ATP8A1: variants seen among roughly 807,000 people sequenced by gnomAD.
ATP8A1 encodes the protein phospholipid-transporting ATPase IA.
A neutral mutation model predicts 177.7 loss-of-function variants in ATP8A1; 90 were observed. The ratio of observed to expected loss-of-function variants is 0.51; its 90% CI spans 0.43 to 0.60. The LOEUF (loss-of-function observed/expected upper bound fraction) is 0.60. ATP8A1 is among the 20% of genes least tolerant of loss of function. The pLI, the probability that ATP8A1 is intolerant of heterozygous loss-of-function variation, is 0.00. For synonymous variants in ATP8A1, 493 were observed against 485.9 expected, an observed-to-expected ratio of 1.01 and a Z score of -0.19; for missense variants, 1,072 against 1,392.8, an observed-to-expected ratio of 0.77 and a Z score of 3.67.
intron 5 of ATP8A1, among the ~76,000 whole-genome samples, chr4:42,614,933 C>T (rs544059193): frequency 3.1e-4 from 47 of 152,276 alleles, no homozygotes; most frequent in African/African-American, 9.9e-4. Context: ...GTTTTCTCTC[C>T]TTACCAATTT....
At chr4:42,568,511 T>C (rs1452842338) in intron 15 of ATP8A1, among the ~76,000 whole-genome samples, 2 of 152,218 alleles carry the variant, frequency 1.3e-5, no homozygotes, top group African/African-American at 2.4e-5. Context: ...AAGATGAAAA[T>C]ATAAATTCAC....
chr4:42,555,333 T>A (rs1312146137), intron 16 of ATP8A1, among the ~76,000 whole-genome samples: 5 of 152,106 alleles, frequency 3.3e-5, no homozygotes, highest in African/African-American at 1.2e-4. Flanking sequence ...AACTTATTTC[T>A]ATAAGTTATT....
In ATP8A1 at chr4:42,601,535, AAAAAAT is replaced by A. The variant is rs61277021; in HGVS notation, c.410-1023_410-1018del. Among the ~76,000 whole-genome samples, 93 of 149,502 alleles carry A rather than the reference AAAAAAT, an allele frequency of 6.2e-4. 1 individual carries two copies. Among genetic ancestry groups the A allele is most frequent in the African/African-American group, 1.9e-3 (79 of 40,708 alleles). ...AACACTGAGTATGCTAATAAACACC[AAAAAAT>A]AAAAATAAAAATAAAAATAAAAATA... is the stretch of plus-strand genomic sequence containing the variant. On this transcript the variant is annotated intron_variant, in intron 5 of 36. Coordinates refer to ENST00000381668, the MANE Select transcript of ATP8A1 (RefSeq NM_006095.2).
intron 22 of ATP8A1, among the ~76,000 whole-genome samples, chr4:42,512,392 C>G (rs2153195699): frequency 6.6e-6 from 1 of 152,280 alleles, no homozygotes; most frequent in Middle Eastern, 3.4e-3. Context: ...CTATTCCTAC[C>G]TGCAGGCCTC....
intron 33 of ATP8A1, among the ~76,000 whole-genome samples, chr4:42,435,450 CAAAA>C (rs11306070): frequency 1.7e-5 from 2 of 116,970 alleles, no homozygotes; most frequent in African/African-American, 3.3e-5. Context: ...AAAAAAAAAA[CAAAA>C]AAAAAAAAAC....
chr4:42,497,557 G>A (rs756171474), intron 24 of ATP8A1, among the ~76,000 whole-genome samples: 3 of 152,052 alleles, frequency 2.0e-5, no homozygotes, highest in Non-Finnish European at 4.4e-5. Flanking sequence ...GTTGAGGGGT[G>A]GAAGAACTTC....
intron 3 of ATP8A1, 83 bp downstream of exon 3, chr4:42,625,531 T>TACATAAACCTCAGGGGATTGGTC: frequency 2.3e-6 from 2 of 861,072 alleles, no homozygotes; most frequent in Non-Finnish European, 3.4e-6. Context: ...TCTCGGCATT[T>TACATAAACCTCAGGGGATTGGTC]ACATAAACCT....
intron 11 of ATP8A1, among the ~76,000 whole-genome samples, chr4:42,579,281 G>A (rs973719652): frequency 6.7e-6 from 1 of 150,142 alleles, no homozygotes; most frequent in Non-Finnish European, 1.5e-5. Context: ...AAAATACATT[G>A]GGTTTAAACA....
intron 20 of ATP8A1, among the ~76,000 whole-genome samples, chr4:42,535,088 A>G (rs1727651826): frequency 6.6e-6 from 1 of 152,134 alleles, no homozygotes; most frequent in South Asian, 2.1e-4. Context: ...CTGTAAAATA[A>G]TAACACAATG....
intron 20 of ATP8A1, among the ~76,000 whole-genome samples, chr4:42,539,654 G>A (rs187836754): frequency 6.6e-6 from 1 of 152,080 alleles, no homozygotes; most frequent in Non-Finnish European, 1.5e-5. Flanking sequence ...ATAACCAACT[G>A]ATCTTTGACA....
intron 14 of ATP8A1, among the ~76,000 whole-genome samples, chr4:42,571,124 A>C (rs544412865): frequency 3.3e-5 from 5 of 152,208 alleles, no homozygotes; most frequent in Non-Finnish European, 7.3e-5. Flanking sequence ...GTGAGCAGTA[A>C]GATAAACATG....
rs1464081498 is a variant in ATP8A1 at position 42,451,954 on chromosome 4, C to A, written c.2896+27G>T. Reference sequence around the variant, plus strand: ...TTTCTAAAAAAGTAAAAAGTCATCTCTTTGCATTCATATCCCTTCTACTTA... The same window carrying A: ...TTTCTAAAAAAGTAAAAAGTCATCTATTTGCATTCATATCCCTTCTACTTA... On this transcript the variant is annotated intron_variant, in intron 30 of 36. Transcript: ENST00000381668. 15 of 1,495,604 alleles carry A rather than the reference C, an allele frequency of 1.0e-5. No homozygotes were observed. In the South Asian group the frequency reaches 1.7e-4, roughly 17 times the overall value. The allele number at this position is 1,495,604 out of a possible 1,614,324, so 92.6% of individuals were successfully genotyped here. A position where few individuals can be genotyped will look rare whatever the true frequency, so the allele number is the denominator to read the frequency against.
intron 13 of ATP8A1, 60 bp from the exon 14 acceptor site, chr4:42,574,767 G>T: frequency 1.7e-6 from 2 of 1,157,128 alleles, no homozygotes; most frequent in Non-Finnish European, 2.5e-6. Context: ...CTCTTTTACA[G>T]AGAAACCCCT....
rs201205529 is a variant in ATP8A1, at chr4:42,553,009, TAAAC to T, written c.1414-403_1414-400del. ...TCAAAACAAAACAAAACAAACAAGA[TAAAC>T]AAACAAAACCCCATAAAAACATAGC... On this transcript the variant is annotated intron_variant, in intron 16 of 36. Coordinates refer to ENST00000381668, the MANE Select transcript of ATP8A1 (RefSeq NM_006095.2). Among the ~76,000 whole-genome samples, 446 of 152,120 alleles carry T rather than the reference TAAAC, an allele frequency of 2.9e-3. 4 individuals are homozygous for T. Among genetic ancestry groups the T allele is most frequent in the African/African-American group, 0.01 (419 of 41,498 alleles).
At chr4:42,435,455 AAAAAAAAAC>A (rs1715854318) in intron 33 of ATP8A1, among the ~76,000 whole-genome samples, 1 of 100,456 alleles carries the variant, frequency 1.0e-5, no homozygotes, top group African/African-American at 3.3e-5. Context: ...AAAAACAAAA[AAAAAAAAAC>A]AAACTATCTC....
At chr4:42,478,056 A>T (rs1721267670) in intron 25 of ATP8A1, among the ~76,000 whole-genome samples, 2 of 152,248 alleles carry the variant, frequency 1.3e-5, no homozygotes, top group African/African-American at 4.8e-5. Context: ...ACATGTAGAA[A>T]AATAAAGGTA....
chr4:42,445,150 A>G (rs79510690), intron 31 of ATP8A1, among the ~76,000 whole-genome samples: 6,400 of 152,322 alleles, frequency 0.042, 172 homozygotes, highest in Admixed American at 0.059. Context: ...TTTCTCCATG[A>G]TATATGCACC....
rs756424318 is a variant in ATP8A1 at position 42,551,214 on chromosome 4, G to A, written c.1586C>T (p.Ser529Leu). Residue 529 changes from serine to leucine, a missense_variant, in exon 18 of 37, where the codon TCG becomes TTG. Coordinates refer to ENST00000381668, the MANE Select transcript of ATP8A1 (RefSeq NM_006095.2). ...NFVFTGRTPD[S>L]VIIDSLGQEE... Reference sequence around the variant, plus strand: ...CTAACTTACTGAATCTATAATCACCGAGTCGGGTGTTCTTCCAGTGAAAAC... The same window carrying A: ...CTAACTTACTGAATCTATAATCACCAAGTCGGGTGTTCTTCCAGTGAAAAC... 4.3e-6 allele frequency: 7 copies of A among 1,613,086 alleles called. No individual in the cohort carries two copies. The highest frequency in any genetic ancestry group is 2.2e-5 in the South Asian group (2 of 91,048).
At chr4:42,529,874 C>A (rs1727084574) in intron 20 of ATP8A1, among the ~76,000 whole-genome samples, 1 of 152,198 alleles carries the variant, frequency 6.6e-6, no homozygotes, top group Admixed American at 6.5e-5. Flanking sequence ...TGATTATATA[C>A]TGATTCATGG....
Sources: gnomAD v4.1 joint callset for allele counts (sites outside exome capture counted in the v4.1 genomes callset) on GRCh38, gnomAD v4.1.1 for gene constraint, MANE v1.5 for transcripts, NCBI Gene and HGNC (gene_info 2026-07-23, HGNC 2026-07-21) for gene names.